MYH11: variants seen among roughly 807,000 people sequenced by gnomAD.
The protein encoded by MYH11 is myosin-11.
A neutral mutation model predicts 246.6 loss-of-function variants in MYH11; 80 were observed. That is an observed-to-expected ratio of 0.32 (90% CI 0.27 to 0.39). MYH11 has a LOEUF of 0.39. Among genes scored for constraint, MYH11 ranks in the 10% least tolerant of loss-of-function variants. MYH11 has a pLI of 1.00. For missense variants in MYH11, 2,158 were observed against 2,546.8 expected, an observed-to-expected ratio of 0.85 and a Z score of 3.29; for synonymous variants, 1,071 against 1,015.5, an observed-to-expected ratio of 1.05 and a Z score of -1.04.
intron 28 of MYH11, chr16:15,726,615 A>G (rs568786722): frequency 1.3e-5 from 8 of 599,454 alleles, no homozygotes; most frequent in Admixed American, 8.3e-5. Context: ...TGATCCACCC[A>G]CCTCTGTCTC....
intron 15 of MYH11, among the ~76,000 whole-genome samples, chr16:15,751,129 ATTATTATTATTATTATTATTATT>A (rs2041556847): frequency 7.6e-6 from 1 of 132,180 alleles, no homozygotes; most frequent in South Asian, 2.1e-4. Flanking sequence ...TATTATTATT[ATTATTATTATTATTATTATTATT>A]ATTATTATCA....
At position 15,724,939 on chromosome 16, in the gene MYH11, A is replaced by C. The variant is rs1169233127; in HGVS notation, c.3912T>G (p.Ile1304Met). 1 of 1,614,134 alleles carries C rather than the reference A, an allele frequency of 6.2e-7. No individual in the cohort carries two copies. The highest frequency in any genetic ancestry group is 8.5e-7 in the Non-Finnish European group (1 of 1,180,032). ...GMLNEAEGKAIKLAKDVASLS... is the reference protein window; with the variant it reads ...GMLNEAEGKAMKLAKDVASLS... Reference sequence around the variant, plus strand: ...GGGACGCCACGTCCTTGGCCAGCTTAATGGCCTTCCCCTCGGCCTCGTTAA... The same window carrying C: ...GGGACGCCACGTCCTTGGCCAGCTTCATGGCCTTCCCCTCGGCCTCGTTAA... Residue 1304 changes from isoleucine to methionine, a missense_variant, in exon 29 of 41, where the codon ATT becomes ATG. This residue lies in a region of MYH11 where 1,013 missense variants were observed against 993.5 expected (regional missense o/e 1.02). Transcript: ENST00000300036.
chr16:15,758,173 A>G (rs906277900), intron 12 of MYH11, among the ~76,000 whole-genome samples, 173 bp from the exon 13 acceptor site: 5 of 152,166 alleles, frequency 3.3e-5, no homozygotes. Flanking sequence ...AGAGTCCACC[A>G]GGGCTGGTGA....
intron 9 of MYH11, among the ~76,000 whole-genome samples, chr16:15,770,519 C>T (rs1264161109): frequency 6.6e-6 from 1 of 152,124 alleles, no homozygotes; most frequent in Non-Finnish European, 1.5e-5. Flanking sequence ...GTTTCTTGGC[C>T]ATTGGTTGGA....
At chr16:15,753,883 A>G (rs1358273908) in intron 14 of MYH11, among the ~76,000 whole-genome samples, 1 of 151,946 alleles carries the variant, frequency 6.6e-6, no homozygotes, top group Non-Finnish European at 1.5e-5. Flanking sequence ...CTCCCCCCTC[A>G]TCATCTTCCC....
intron 24 of MYH11, among the ~76,000 whole-genome samples, chr16:15,737,854 G>A (rs1409473548): frequency 1.3e-5 from 2 of 152,022 alleles, no homozygotes; most frequent in Non-Finnish European, 2.9e-5. Flanking sequence ...GTGCAGTGGC[G>A]CAATCTCAGC....
chr16:15,751,114 GTA>G (rs2041554432), intron 15 of MYH11, among the ~76,000 whole-genome samples: 3 of 141,468 alleles, frequency 2.1e-5, no homozygotes, highest in Admixed American at 7.5e-5. Context: ...TCAACAAAAA[GTA>G]GGTATTATTA....
intron 37 of MYH11, chr16:15,717,891 T>C (rs1414856634): frequency 3.6e-6 from 1 of 280,660 alleles, no homozygotes; most frequent in Non-Finnish European, 6.9e-6. Context: ...TGGAGAATGA[T>C]GCCTGTTCAC....
rs764413252 is a variant in MYH11, at chr16:15,747,860, ACTT to A, written c.2250+11_2250+13del. 4.3e-6 allele frequency: 7 copies of A among 1,613,298 alleles called. No individual in the cohort carries two copies. The African/African-American group carries it at 9.4e-5, about 22-fold the overall frequency. On this transcript the variant is annotated intron_variant, in intron 18 of 40. Coordinates refer to ENST00000300036, the MANE Select transcript of MYH11 (RefSeq NM_002474.3). ...CCAGAGGTTGGGAGGTCTCTGGTGGACTTCTGGGCTCACCATGAGAATGCAGGC... is the reference window on the plus strand; with the variant it reads ...CCAGAGGTTGGGAGGTCTCTGGTGGACTGGGCTCACCATGAGAATGCAGGC...
intron 2 of MYH11, among the ~76,000 whole-genome samples, chr16:15,836,307 G>A (rs2043889895): frequency 6.6e-6 from 1 of 152,044 alleles, no homozygotes; most frequent in Admixed American, 6.6e-5. Context: ...ATGCTACCCA[G>A]TACACCAGCC....
intron 26 of MYH11, among the ~76,000 whole-genome samples, chr16:15,734,511 G>A (rs931456464): frequency 1.3e-5 from 2 of 152,184 alleles, no homozygotes; most frequent in Admixed American, 6.5e-5. Context: ...TGTTGGCCAG[G>A]CTGGTCTTGA....
chr16:15,763,741 T>TCGGGCCCCCCCCCCCCCC, intron 10 of MYH11, 55 bp downstream of exon 10: 3 of 646,840 alleles, frequency 4.6e-6, no homozygotes, highest in Non-Finnish European at 8.7e-6. Flanking sequence ...AAATGTCACC[T>TCGGGCCCCCCCCCCCCCC]CCCCCACCCC....
chr16:15,748,268 G>A lies in MYH11; in HGVS notation c.2059-100C>T, dbSNP rs931330831. 53 of 1,571,016 alleles carry A rather than the reference G, an allele frequency of 3.4e-5. 1 individual carries two copies. The highest frequency in any genetic ancestry group is 4.1e-5 in the Non-Finnish European group (48 of 1,161,660). ...TGGATGACCCACCTGGCCAGGCCAT[G>A]AGGGTACCAACAGAAGCACCCAAGG... On this transcript the variant is annotated intron_variant, in intron 16 of 40. Transcript: ENST00000300036.
intron 15 of MYH11, among the ~76,000 whole-genome samples, chr16:15,751,964 G>A (rs2041585136): frequency 6.6e-6 from 1 of 151,734 alleles, no homozygotes; most frequent in Non-Finnish European, 1.5e-5. Flanking sequence ...GTTAGTTTTT[G>A]TATTTTTAGT....
intron 40 of MYH11, among the ~76,000 whole-genome samples, chr16:15,704,631 A>G (rs561308730): frequency 6.6e-6 from 1 of 152,268 alleles, no homozygotes; most frequent in South Asian, 2.1e-4. Flanking sequence ...AGAAGGTGAA[A>G]TGGACAAGGG....
chr16:15,724,030 A>G (rs2040618530), intron 31 of MYH11, 131 bp downstream of exon 31: 1 of 1,481,548 alleles, frequency 6.7e-7, no homozygotes, highest in Non-Finnish European at 9.3e-7. Context: ...AAGATAAGAC[A>G]GCCTCCCATG....
intron 8 of MYH11, among the ~76,000 whole-genome samples, chr16:15,775,397 G>A (rs972891036): frequency 6.6e-6 from 1 of 150,836 alleles, no homozygotes; most frequent in South Asian, 2.1e-4. Context: ...ATTGGTTTAT[G>A]TACTGCCTGT....
chr16:15,844,382 G>A (rs140873112), intron 1 of MYH11, among the ~76,000 whole-genome samples: 2,327 of 152,248 alleles, frequency 0.015, 60 homozygotes, highest in African/African-American at 0.051. Flanking sequence ...ATTTTTAGTA[G>A]AGACGGGGTT....
chr16:15,704,019 T>C lies in MYH11; in HGVS notation c.5891A>G (p.Asp1964Gly). ...SEEETDTRDA[D>G]FNGTKASE ...TTCACTGGCCTTGGTTCCATTGAAG[T>C]CTGCGTCTCGAGTGTCCGTTTCCTC... Residue 1964 changes from aspartate to glycine, a missense_variant, in exon 41 of 41, where the codon GAC (aspartate) becomes GGC (glycine). Around this residue, in one of 11 missense-constraint regions of MYH11, gnomAD observed 1,013 missense variants for 993.5 expected, o/e 1.02. Transcript: ENST00000300036. 3.1e-6 allele frequency: 5 copies of C among 1,614,164 alleles called. No homozygotes were observed. The highest frequency in any genetic ancestry group is 4.2e-6 in the Non-Finnish European group (5 of 1,180,026).
Sources: allele counts gnomAD v4.1 joint callset (sites outside exome capture counted in the v4.1 genomes callset), GRCh38; gene constraint gnomAD v4.1.1; regional missense constraint gnomAD v4.1.1; transcripts MANE v1.5; gene names NCBI Gene and HGNC (gene_info 2026-07-23, HGNC 2026-07-21).